The following TMC3 variants were observed in gnomAD, a reference collection of about 807,000 sequenced individuals.
TMC3 encodes transmembrane channel like 3, also known as transmembrane channel-like protein 3.
Under a neutral mutation model 110.6 loss-of-function variants are expected in TMC3, and 98 were observed. The observed-to-expected ratio is 0.89, with a 90% CI of 0.75 to 1.05. TMC3 has a LOEUF of 1.05. Among genes scored for constraint, TMC3 ranks in the 50% least tolerant of loss-of-function variants. The probability of loss-of-function intolerance (pLI) is 0.00; values close to 1 mark genes in which losing one functional copy is unlikely to be tolerated. For synonymous variants in TMC3, 489 were observed against 513.1 expected (o/e 0.95, Z 0.63); for missense variants, 1,319 against 1,373.2 (o/e 0.96, Z 0.62).
intron 10 of TMC3, among the ~76,000 whole-genome samples, chr15:81,350,052 G>T (rs1188662690): frequency 2.0e-5 from 3 of 149,512 alleles, no homozygotes; most frequent in Non-Finnish European, 4.4e-5. Flanking sequence ...TTTAAGACCA[G>T]CCAGGGCAAC....
intron 3 of TMC3, among the ~76,000 whole-genome samples, chr15:81,364,119 G>A (rs1424081102): frequency 1.3e-5 from 2 of 151,020 alleles, no homozygotes; most frequent in East Asian, 2.0e-4. Context: ...TTTCATACAT[G>A]CAATGGGCTA....
At chr15:81,355,884 G>T in intron 8 of TMC3, 116 bp from the exon 9 acceptor site, 1 of 637,176 alleles carries the variant, frequency 1.6e-6, no homozygotes, top group Non-Finnish European at 2.7e-6. Context: ...ACTTTATTCT[G>T]TAGGATTCAA....
In TMC3 at chr15:81,351,760, A is replaced by G. The variant is rs1459596693; in HGVS notation, c.1017T>C (p.Phe339=). The change falls in exon 10 of 22, where the codon TTT becomes TTC. Residue 339 remains phenylalanine (F), a synonymous_variant. Transcript: ENST00000359440. ...SLAGSIYLIY[F]VVDRSQKLEQ... ...CCAGCTTCTGGGACCGGTCCACCAC[A>G]AAGTAGATGAGATAAATGCTCCCAG... is the stretch of plus-strand genomic sequence containing the variant. 3 of 1,599,484 alleles carry G rather than the reference A, an allele frequency of 1.9e-6. No homozygotes were observed. The highest frequency in any genetic ancestry group is 1.3e-5 in the African/African-American group (1 of 74,594).
At chr15:81,364,904 G>A (rs1037001607) in intron 3 of TMC3, among the ~76,000 whole-genome samples, 6 of 150,252 alleles carry the variant, frequency 4.0e-5, no homozygotes, top group South Asian at 4.2e-4. Flanking sequence ...TTAATGTCAC[G>A]AATTTTTTGA....
chr15:81,351,897 G>A (rs1449230262), intron 9 of TMC3, 56 bp from the exon 10 acceptor site: 10 of 1,582,048 alleles, frequency 6.3e-6, no homozygotes, highest in South Asian at 2.3e-5. Flanking sequence ...ACAGCACCAC[G>A]ATGCAAAGAC....
chr15:81,336,818 T>A (rs1396229432), intron 19 of TMC3, among the ~76,000 whole-genome samples, 167 bp from the exon 20 acceptor site: 1 of 152,226 alleles, frequency 6.6e-6, no homozygotes, highest in South Asian at 2.1e-4. Context: ...TCGGGCCTGT[T>A]ATTTGAGTGA....
Position 81,341,681 on chromosome 15 carries a change from C to T in TMC3, c.1716-163G>A, listed in dbSNP as rs77762641. 548 of 575,170 alleles carry T rather than the reference C, an allele frequency of 9.5e-4. 3 individuals are homozygous for T. In the East Asian group the frequency reaches 0.012, roughly 13 times the overall value. The allele number at this position is 575,170 out of a possible 1,614,324, so 35.6% of individuals were successfully genotyped here. A position where few individuals can be genotyped will look rare whatever the true frequency, so the allele number is the denominator to read the frequency against. On this transcript the variant is annotated intron_variant, in intron 15 of 21. Transcript: ENST00000359440. ...AAGTCCCGAGACCACAACCCTCCAC[C>T]TTCTAAAGATAAGACAAGTCACTGA...
chr15:81,332,860 G>T lies in TMC3; in HGVS notation c.2862C>A (p.Ile954=). 6.2e-7 allele frequency: 1 copy of T among 1,613,386 alleles called. No individual in the cohort carries two copies. Among genetic ancestry groups the T allele is most frequent in the South Asian group, 1.1e-5 (1 of 91,068 alleles). ...GGGAGCGTGGGGGAAGAGACCGTTT[G>T]ATCCAATCTCTGCTTGGCGTCTCCT... ...EEEETPSRDW[I]KRSLPPRSLI... is the part of the protein sequence containing the mutation. The change falls in exon 22 of 22, where the codon ATC becomes ATA. Residue 954 remains isoleucine (I), a synonymous_variant. Coordinates refer to ENST00000359440, the MANE Select transcript of TMC3 (RefSeq NM_001080532.3).
intron 9 of TMC3, among the ~76,000 whole-genome samples, chr15:81,354,639 G>T (rs979592911): frequency 1.3e-5 from 2 of 152,102 alleles, no homozygotes; most frequent in Non-Finnish European, 2.9e-5. Context: ...GCACAGTCCT[G>T]CCCAGTAGCA....
In TMC3 at chr15:81,339,398, A is replaced by G; in HGVS notation, c.1951T>C (p.Phe651Leu). 6.2e-7 allele frequency: 1 copy of G among 1,608,556 alleles called. No individual in the cohort carries two copies. The highest frequency in any genetic ancestry group is 8.5e-7 in the Non-Finnish European group (1 of 1,177,246). The change falls in exon 17 of 22, where the codon TTC becomes CTC. Residue 651 changes from phenylalanine to leucine, a missense_variant. By Grantham distance (22) the Phe-to-Leu change is conservative (BLOSUM62 0). Coordinates refer to ENST00000359440, the MANE Select transcript of TMC3 (RefSeq NM_001080532.3). ...AGAGCTGGGAACGAAACTTACCTGA[A>G]TGGCCCACAGTTTAGAGATGGCTTG... ...RYKPSLNCGP[F>L]SGQEKIYDIV...
At chr15:81,373,286 G>A (rs537282624) in intron 1 of TMC3, among the ~76,000 whole-genome samples, 9 of 152,184 alleles carry the variant, frequency 5.9e-5, no homozygotes, top group African/African-American at 1.9e-4. Context: ...TTCTACGAGC[G>A]AAAGATTAGC....
chr15:81,351,239 T>C (rs907177487), intron 10 of TMC3, among the ~76,000 whole-genome samples: 2 of 152,098 alleles, frequency 1.3e-5, no homozygotes, highest in Non-Finnish European at 2.9e-5. Context: ...AAAGTCCTTA[T>C]AGTCAATGCT....
At position 81,350,339 on chromosome 15, in the gene TMC3, AACT is replaced by A. The variant is rs1893921048; in HGVS notation, c.1084-775_1084-773del. On this transcript the variant is annotated intron_variant, in intron 10 of 21. Transcript: ENST00000359440. The stretch of plus-strand genomic sequence containing the variant: ...TTGGATGGAAGATGGAAATAACTGC[AACT>A]ATTACCAATAGAAAAGGAAAGCCTG... 2.0e-5 allele frequency among the ~76,000 whole-genome samples: 3 copies of A among 152,364 alleles called. No individual in the cohort carries two copies. The South Asian group carries it at 6.2e-4, about 32-fold the overall frequency.
At chr15:81,340,675 G>C (rs952957802) in intron 16 of TMC3, among the ~76,000 whole-genome samples, 5 of 152,178 alleles carry the variant, frequency 3.3e-5, no homozygotes, top group Non-Finnish European at 7.3e-5. Flanking sequence ...AAAATGGGGT[G>C]TTCATTTTAG....
intron 14 of TMC3, among the ~76,000 whole-genome samples, chr15:81,343,578 C>T (rs958596099): frequency 6.6e-6 from 1 of 151,870 alleles, no homozygotes; most frequent in Non-Finnish European, 1.5e-5. Context: ...CACTTGTAGT[C>T]AGGAGTTCGA....
chr15:81,351,728 G>A lies in TMC3; in HGVS notation c.1049C>T (p.Ser350Leu), dbSNP rs753458907. ...TTCCCAAAGTGTCAGCTCCTTCTTC[G>A]ACTGCTCCAGCTTCTGGGACCGGTC... ...VVDRSQKLEQSKKELTLWEKN... is the reference protein window; with the variant it reads ...VVDRSQKLEQLKKELTLWEKN... Residue 350 changes from serine to leucine, a missense_variant, in exon 10 of 22, where the codon TCG (serine) becomes TTG (leucine). By Grantham distance (145) the Ser-to-Leu change is moderately radical. Coordinates refer to ENST00000359440, the MANE Select transcript of TMC3 (RefSeq NM_001080532.3). 23 of 1,568,114 alleles carry A rather than the reference G, an allele frequency of 1.5e-5. No homozygotes were observed. In the Admixed American group the frequency reaches 2.7e-4, roughly 18 times the overall value.
rs1893799131 is a variant in TMC3 at position 81,345,099 on chromosome 15, C to T, written c.1273-88G>A. On this transcript the variant is annotated intron_variant, in intron 12 of 21. Coordinates refer to ENST00000359440, the MANE Select transcript of TMC3 (RefSeq NM_001080532.3). ...TTTGTAAATGAGAATCCATCATGGACCCCAAGGGTGTCATTGCATTGCTTG... is the reference window on the plus strand; with the variant it reads ...TTTGTAAATGAGAATCCATCATGGATCCCAAGGGTGTCATTGCATTGCTTG... The T allele has an allele frequency of 3.3e-6, 5 of 1,496,388 alleles. No homozygotes were observed. In the African/African-American group the frequency reaches 4.2e-5, roughly 13 times the overall value. The allele number at this position is 1,496,388 out of a possible 1,614,324, so 92.7% of individuals were successfully genotyped here. A position where few individuals can be genotyped will look rare whatever the true frequency, so the allele number is the denominator to read the frequency against.
intron 21 of TMC3, among the ~76,000 whole-genome samples, chr15:81,333,886 A>T (rs186814934): frequency 7.2e-4 from 109 of 152,172 alleles, no homozygotes; most frequent in Admixed American, 5.7e-3. Context: ...GCTACTCGGG[A>T]GGCTGAGGCA....
rs1386183401 is a variant in TMC3, at chr15:81,358,211, G to A, written c.681C>T (p.Pro227=). The A allele has an allele frequency of 6.2e-7, 1 of 1,613,422 alleles. No individual in the cohort carries two copies. ...CCATCCCCACTAGGAAATACGCCAA[G>A]GGCAGCCGGTAGCCAGCTCTCCCGA... ...RKIGRAGYRL[P]LAYFLVGMAV... Residue 227 remains proline (P), a synonymous_variant, in exon 7 of 22, where the codon CCC becomes CCT. Transcript: ENST00000359440.
Sources: allele counts gnomAD v4.1 joint callset (sites outside exome capture counted in the v4.1 genomes callset), GRCh38; gene constraint gnomAD v4.1.1; transcripts MANE v1.5; gene names NCBI Gene and HGNC (gene_info 2026-07-23, HGNC 2026-07-21).